The following EXOC6B variants were observed in gnomAD, a reference collection of about 807,000 sequenced individuals.
The protein encoded by EXOC6B is exocyst complex component 6B.
A neutral mutation model predicts 113.5 loss-of-function variants in EXOC6B; 54 were observed. The observed-to-expected ratio is 0.48, with a 90% confidence interval of 0.38 to 0.60. The LOEUF (loss-of-function observed/expected upper bound fraction) is 0.60. EXOC6B is among the 20% of genes least tolerant of loss of function. The probability of loss-of-function intolerance (pLI) is 0.00; values close to 1 mark genes in which losing one functional copy is unlikely to be tolerated. For synonymous variants in EXOC6B, 357 were observed against 339.0 expected (o/e 1.05, Z -0.58); for missense variants, 797 against 977.5 (o/e 0.82, Z 2.46).
At chr2:72,479,973 T>C (rs1698977822) in intron 17 of EXOC6B, among the ~76,000 whole-genome samples, 1 of 151,898 alleles carries the variant, frequency 6.6e-6, no homozygotes, top group Non-Finnish European at 1.5e-5. Context: ...GAAGCCAAGG[T>C]GGGTGGATCG....
chr2:72,288,978 C>T (rs1290127110), intron 20 of EXOC6B: 2 of 244,436 alleles, frequency 8.2e-6, no homozygotes, highest in Admixed American at 4.2e-5. Flanking sequence ...CTGTGCAACT[C>T]AAAGATCTAG....
intron 18 of EXOC6B, among the ~76,000 whole-genome samples, chr2:72,392,338 G>T (rs1276033515): frequency 6.6e-6 from 1 of 152,178 alleles, no homozygotes; most frequent in East Asian, 1.9e-4. Context: ...AACTTCCCCT[G>T]GTGGCATTCA....
At chr2:72,796,940 G>A (rs1470160384) in intron 1 of EXOC6B, among the ~76,000 whole-genome samples, 1 of 152,200 alleles carries the variant, frequency 6.6e-6, no homozygotes, top group Non-Finnish European at 1.5e-5. Context: ...GTATTACAAA[G>A]TAAACTTCCC....
intron 20 of EXOC6B, among the ~76,000 whole-genome samples, chr2:72,284,169 T>C (rs931462862): frequency 1.6e-4 from 25 of 152,058 alleles, no homozygotes; most frequent in African/African-American, 6.0e-4. Context: ...TTGCCAAAGA[T>C]ATTACAAGAA....
chr2:72,581,896 G>C (rs1050922785), intron 6 of EXOC6B, among the ~76,000 whole-genome samples: 1 of 152,160 alleles, frequency 6.6e-6, no homozygotes, highest in Non-Finnish European at 1.5e-5. Flanking sequence ...AAAGCTGGGA[G>C]CTGAGACCAG....
At chr2:72,679,966 A>G (rs1374202652) in intron 6 of EXOC6B, among the ~76,000 whole-genome samples, 2 of 152,204 alleles carry the variant, frequency 1.3e-5, no homozygotes, top group Non-Finnish European at 2.9e-5. Flanking sequence ...AGATTAAATA[A>G]GAATACAACA....
At chr2:72,470,129 C>T (rs540505340) in intron 17 of EXOC6B, among the ~76,000 whole-genome samples, 1 of 152,046 alleles carries the variant, frequency 6.6e-6, no homozygotes, top group Non-Finnish European at 1.5e-5. Flanking sequence ...GACACTGATA[C>T]TTCGTTAGGG....
At chr2:72,545,883 A>T (rs938113312) in intron 8 of EXOC6B, among the ~76,000 whole-genome samples, 1 of 152,222 alleles carries the variant, frequency 6.6e-6, no homozygotes, top group Admixed American at 6.5e-5. Flanking sequence ...AAAGTTCTTT[A>T]AACAATTTCA....
At chr2:72,745,977 C>A (rs2104832924) in intron 1 of EXOC6B, among the ~76,000 whole-genome samples, 1 of 152,106 alleles carries the variant, frequency 6.6e-6, no homozygotes, top group South Asian at 2.1e-4. Context: ...CTAGTGATGG[C>A]CCTTTTCTAA....
intron 13 of EXOC6B, 50 bp downstream of exon 13, chr2:72,498,404 A>G: frequency 2.3e-6 from 3 of 1,283,984 alleles, no homozygotes; most frequent in Non-Finnish European, 2.2e-6. Context: ...ACATGTGTGT[A>G]CACTAATGTA....
At chr2:72,250,796 T>C (rs1380693119) in intron 20 of EXOC6B, among the ~76,000 whole-genome samples, 1 of 152,114 alleles carries the variant, frequency 6.6e-6, no homozygotes, top group Non-Finnish European at 1.5e-5. Flanking sequence ...TTCCTGAAGA[T>C]AAAAGAAGCA....
At chr2:72,611,540 T>C (rs1671073632) in intron 6 of EXOC6B, among the ~76,000 whole-genome samples, 2 of 152,170 alleles carry the variant, frequency 1.3e-5, no homozygotes, top group South Asian at 2.1e-4. Context: ...ATCTAGACTT[T>C]AGTTAGTAGT....
intron 20 of EXOC6B, among the ~76,000 whole-genome samples, chr2:72,311,655 T>C (rs780592315): frequency 1.3e-5 from 2 of 152,140 alleles, no homozygotes; most frequent in African/African-American, 4.8e-5. Context: ...TAAGGTAACA[T>C]AGTCACACAT....
chr2:72,700,237 A>AACACACACACAC (rs3034948), intron 6 of EXOC6B, among the ~76,000 whole-genome samples: 1,840 of 142,394 alleles, frequency 0.013, 48 homozygotes, highest in African/African-American at 0.039. Flanking sequence ...AGACCACAGA[A>AACACACACACAC]ACACACACAC....
chr2:72,484,616 A>G (rs1252223817), intron 16 of EXOC6B, among the ~76,000 whole-genome samples: 2 of 151,238 alleles, frequency 1.3e-5, no homozygotes, highest in Admixed American at 1.3e-4. Context: ...CAACCCCACA[A>G]CAGGCCCTGG....
At chr2:72,714,377 T>C (rs375826577) in intron 6 of EXOC6B, among the ~76,000 whole-genome samples, 14 of 152,286 alleles carry the variant, frequency 9.2e-5, no homozygotes, top group African/African-American at 2.6e-4. Flanking sequence ...AATAAGTGAA[T>C]AGGCATACCA....
intron 6 of EXOC6B, among the ~76,000 whole-genome samples, chr2:72,626,430 T>C (rs1306653120): frequency 6.6e-6 from 1 of 152,294 alleles, no homozygotes; most frequent in East Asian, 1.9e-4. Context: ...TTTAGAGGTA[T>C]CTTCTCTAGA....
intron 6 of EXOC6B, among the ~76,000 whole-genome samples, chr2:72,592,832 G>A (rs1477024818): frequency 6.6e-6 from 1 of 152,108 alleles, no homozygotes; most frequent in Admixed American, 6.5e-5. Context: ...TGTAAGAGGA[G>A]TGTCCTTTTT....
intron 8 of EXOC6B, among the ~76,000 whole-genome samples, chr2:72,548,392 G>A (rs1375071858): frequency 2.6e-5 from 4 of 152,110 alleles, no homozygotes; most frequent in African/African-American, 9.7e-5. Context: ...GTGAGTGGAA[G>A]GTCGGTTTCA....
Sources: gnomAD v4.1 joint callset for allele counts (sites outside exome capture counted in the v4.1 genomes callset) on GRCh38, gnomAD v4.1.1 for gene constraint, MANE v1.5 for transcripts, NCBI Gene and HGNC (gene_info 2026-07-23, HGNC 2026-07-21) for gene names.